Variants in CEP128 observed in about 807,000 individuals in gnomAD.
CEP128 encodes centrosomal protein 128kDa.
In CEP128, 132 loss-of-function variants were observed where a neutral mutation model predicts 156.7. The ratio of observed to expected loss-of-function variants is 0.84; its 90% confidence interval spans 0.73 to 0.97. The LOEUF is 0.97. Among genes scored for constraint, CEP128 ranks in the 50% least tolerant of loss-of-function variants. The pLI is 0.00. For synonymous variants in CEP128, 469 were observed against 448.9 expected, an observed-to-expected ratio of 1.04 and a Z score of -0.57; for missense variants, 1,252 against 1,281.9, an observed-to-expected ratio of 0.98 and a Z score of 0.36.
At chr14:80,676,736 C>T (rs1043694445) in intron 19 of CEP128, among the ~76,000 whole-genome samples, 7 of 151,920 alleles carry the variant, frequency 4.6e-5, no homozygotes, top group African/African-American at 1.5e-4. Context: ...TTTTGTAACA[C>T]GAATTTGTGT....
chr14:80,548,249 TAATCAGA>T lies in CEP128; in HGVS notation c.2880+11023_2880+11029del, dbSNP rs1376613365. On this transcript the variant is annotated intron_variant, in intron 21 of 24. Coordinates refer to ENST00000555265, the MANE Select transcript of CEP128 (RefSeq NM_152446.5). ...ACCAGAATCTAGATTTTCTGACTAT[TAATCAGA>T]TACTATTTTTTCTCATATCACTTTC... 2.0e-5 allele frequency among the ~76,000 whole-genome samples: 3 copies of T among 152,202 alleles called. No individual in the cohort carries two copies. The East Asian group carries it at 5.8e-4, about 29-fold the overall frequency.
intron 2 of CEP128, among the ~76,000 whole-genome samples, chr14:80,926,363 G>A (rs1284092355): frequency 6.6e-6 from 1 of 152,080 alleles, no homozygotes; most frequent in Non-Finnish European, 1.5e-5. Flanking sequence ...GAGCTGAGTG[G>A]GGCTTACTGC....
intron 13 of CEP128, among the ~76,000 whole-genome samples, chr14:80,799,144 G>A (rs2139875174): frequency 6.6e-6 from 1 of 152,302 alleles, no homozygotes; most frequent in East Asian, 1.9e-4. Context: ...TGTGACCTTA[G>A]AAGGGTGCTT....
chr14:80,631,268 T>C (rs1205179472), intron 19 of CEP128, among the ~76,000 whole-genome samples: 1 of 151,860 alleles, frequency 6.6e-6, no homozygotes, highest in Non-Finnish European at 1.5e-5. Flanking sequence ...AATATAAACA[T>C]GATATAAAAA....
At chr14:80,757,030 T>C (rs1899702073) in intron 17 of CEP128, 79 bp from the exon 18 acceptor site, 5 of 940,694 alleles carry the variant, frequency 5.3e-6, no homozygotes, top group Non-Finnish European at 6.4e-6. Context: ...TTCACCACAG[T>C]ATCCAAAAGT....
Position 80,828,934 on chromosome 14 carries a change from T to C in CEP128, c.1209+2209A>G, listed in dbSNP as rs117271649. 6.1e-3 allele frequency among the ~76,000 whole-genome samples: 922 copies of C among 152,286 alleles called. 9 individuals carry two copies. The highest frequency in any genetic ancestry group is 8.0e-3 in the Non-Finnish European group (544 of 68,014). ...TAGAATGTATAAGGCAACAGCTCCA[T>C]ACTACCCAATATTTTCTAAAAATAA... is the stretch of plus-strand genomic sequence containing the variant. On this transcript the variant is annotated intron_variant, in intron 13 of 24. Transcript: ENST00000555265.
intron 2 of CEP128, among the ~76,000 whole-genome samples, chr14:80,926,544 C>T (rs78060889): frequency 0.049 from 7,416 of 152,258 alleles, 215 homozygotes; most frequent in Middle Eastern, 0.078. Context: ...TGACCCAGCC[C>T]CAACTAGCTT....
chr14:80,772,901 C>T (rs12892368), intron 16 of CEP128, among the ~76,000 whole-genome samples: 11 of 152,058 alleles, frequency 7.2e-5, no homozygotes, highest in Non-Finnish European at 1.2e-4. Flanking sequence ...AAAGGTAATA[C>T]GTAGATTTTT....
At chr14:80,857,222 T>G (rs1887228138) in intron 9 of CEP128, among the ~76,000 whole-genome samples, 1 of 151,290 alleles carries the variant, frequency 6.6e-6, no homozygotes, top group African/African-American at 2.4e-5. Context: ...TGGCTTTTTT[T>G]TTTTTTTTAC....
At chr14:80,629,823 T>C (rs1459312224) in intron 19 of CEP128, among the ~76,000 whole-genome samples, 2 of 151,990 alleles carry the variant, frequency 1.3e-5, no homozygotes, top group Non-Finnish European at 2.9e-5. Context: ...TGGGATACTA[T>C]AGTCCTAGGA....
chr14:80,889,363 C>T (rs1888966624), intron 8 of CEP128, among the ~76,000 whole-genome samples: 1 of 152,180 alleles, frequency 6.6e-6, no homozygotes, highest in Non-Finnish European at 1.5e-5. Flanking sequence ...CATGACTCTA[C>T]CTGACTTCGA....
chr14:80,796,707 T>C (rs1333266530), intron 13 of CEP128, among the ~76,000 whole-genome samples: 6 of 152,178 alleles, frequency 3.9e-5, no homozygotes, highest in Non-Finnish European at 8.8e-5. Context: ...ATACCCTCGG[T>C]AGATGAGTAT....
intron 13 of CEP128, among the ~76,000 whole-genome samples, chr14:80,825,967 C>G (rs1014268604): frequency 2.0e-5 from 3 of 151,648 alleles, no homozygotes; most frequent in Non-Finnish European, 4.4e-5. Context: ...TTAGCCAGGC[C>G]TGGTGGCACA....
At chr14:80,502,494 T>C (rs886399588) in intron 24 of CEP128, among the ~76,000 whole-genome samples, 3 of 152,124 alleles carry the variant, frequency 2.0e-5, no homozygotes, top group African/African-American at 7.2e-5. Flanking sequence ...AATTTTATCT[T>C]TTCTCTCTAT....
At chr14:80,895,882 CA>C in intron 7 of CEP128, 92 bp from the exon 8 acceptor site, 2 of 898,898 alleles carry the variant, frequency 2.2e-6, no homozygotes, top group Non-Finnish European at 3.2e-6. Context: ...TATGTTATTA[CA>C]AAATATTCTA....
intron 15 of CEP128, among the ~76,000 whole-genome samples, chr14:80,779,345 C>T (rs1460321784): frequency 6.6e-6 from 1 of 152,108 alleles, no homozygotes; most frequent in Admixed American, 6.5e-5. Context: ...ACAAAATTTA[C>T]CTGAGAGCTG....
intron 2 of CEP128, among the ~76,000 whole-genome samples, chr14:80,947,123 T>C (rs1258530018): frequency 6.6e-6 from 1 of 152,192 alleles, no homozygotes; most frequent in Non-Finnish European, 1.5e-5. Context: ...AAACCTCTTT[T>C]CTTCACAAAT....
intron 20 of CEP128, among the ~76,000 whole-genome samples, chr14:80,562,950 C>T (rs1220417831): frequency 1.3e-5 from 2 of 152,104 alleles, no homozygotes; most frequent in Non-Finnish European, 2.9e-5. Context: ...AGGCATGAAC[C>T]ACCACACGTG....
At chr14:80,918,227 G>GACATCTTACATATA (rs1399151685) in intron 2 of CEP128, among the ~76,000 whole-genome samples, 1 of 152,182 alleles carries the variant, frequency 6.6e-6, no homozygotes, top group Non-Finnish European at 1.5e-5. Context: ...TAGAAGACAA[G>GACATCTTACATATA]ACATCTTACA....
Sources: allele counts gnomAD v4.1 joint callset (sites outside exome capture counted in the v4.1 genomes callset), GRCh38; gene constraint gnomAD v4.1.1; transcripts MANE v1.5; gene names NCBI Gene and HGNC (gene_info 2026-07-23, HGNC 2026-07-21).